The following CEP104 variants were observed in gnomAD, a reference collection of about 807,000 sequenced individuals.
CEP104 encodes centrosomal protein of 104 kDa.
Under a neutral mutation model 113.3 loss-of-function variants are expected in CEP104, and 84 were observed. The observed-to-expected ratio is 0.74, with a 90% CI of 0.62 to 0.89. The LOEUF (loss-of-function observed/expected upper bound fraction) is 0.89, where lower values mean the gene tolerates loss of function less well. Among genes scored for constraint, CEP104 ranks in the 40% least tolerant of loss-of-function variants. CEP104 has a pLI of 0.00. For missense variants in CEP104, 1,053 were observed against 1,156.6 expected (o/e 0.91, Z 1.30); for synonymous variants, 378 against 421.7 (o/e 0.90, Z 1.27).
At chr1:3,852,690 A>G (rs970102220) in intron 1 of CEP104, among the ~76,000 whole-genome samples, 10 of 152,224 alleles carry the variant, frequency 6.6e-5, no homozygotes, top group Admixed American at 6.5e-5. Flanking sequence ...GTGCTCCCCA[A>G]AAGGATACGC....
intron 18 of CEP104, among the ~76,000 whole-genome samples, chr1:3,824,012 A>G (rs1411772029): frequency 6.6e-6 from 1 of 152,218 alleles, no homozygotes; most frequent in African/African-American, 2.4e-5. Flanking sequence ...TATATACTCT[A>G]TAACTTCAGG....
At position 3,837,395 on chromosome 1, in the gene CEP104, G is replaced by A; in HGVS notation, c.1016C>T (p.Pro339Leu). ...ERGTENQFAEPFLQEKPSSYS... is the reference protein window; with the variant it reads ...ERGTENQFAELFLQEKPSSYS... ...TGATGAAGGCTTTTCCTGAAGGAAA[G>A]GTTCTGCAAACTGGTTTTCTGTTCC... is the stretch of plus-strand genomic sequence containing the variant. Residue 339 changes from proline (P) to leucine (L), a missense_variant, in exon 9 of 22, where the codon CCT (proline) becomes CTT (leucine). Coordinates refer to ENST00000378230, the MANE Select transcript of CEP104 (RefSeq NM_014704.4). 1 of 1,614,236 alleles carries A rather than the reference G, an allele frequency of 6.2e-7. No individual in the cohort carries two copies. The highest frequency in any genetic ancestry group is 8.5e-7 in the Non-Finnish European group (1 of 1,180,034).
rs1402370303 is a variant in CEP104 at position 3,823,975 on chromosome 1, G to A, written c.2365-413C>T. On this transcript the variant is annotated intron_variant, in intron 18 of 21. Coordinates refer to ENST00000378230, the MANE Select transcript of CEP104 (RefSeq NM_014704.4). This position sits in a 1 kb window ranked among gnomAD's most constrained non-coding sequence, Gnocchi z 4.1. ...GAATTTTAAGAGATTCTCTCGCTAC[G>A]TTGGTGTCTCTGGCAGGAATGACTT... 1.3e-5 allele frequency among the ~76,000 whole-genome samples: 2 copies of A among 152,180 alleles called. No individual in the cohort carries two copies. The highest frequency in any genetic ancestry group is 1.9e-4 in the East Asian group (1 of 5,202).
In CEP104 at chr1:3,829,632, G is replaced by A. The variant is rs917193863; in HGVS notation, c.2043+159C>T. 53 of 785,042 alleles carry A rather than the reference G, an allele frequency of 6.8e-5. No homozygotes were observed. In the African/African-American group the frequency reaches 8.1e-4, roughly 12 times the overall value. The allele number at this position is 785,042 out of a possible 1,614,324, so 48.6% of individuals were successfully genotyped here. ...CACTGGCAGAAAGTGGAGCAGCCGG[G>A]ATCTGAATGCGGGAACCTGTGTTCT... On this transcript the variant is annotated intron_variant, in intron 14 of 21. Coordinates refer to ENST00000378230, the MANE Select transcript of CEP104 (RefSeq NM_014704.4).
Position 3,833,928 on chromosome 1 carries a change from G to A in CEP104, c.1593C>T (p.Pro531=), listed in dbSNP as rs750932226. The A allele has an allele frequency of 2.0e-5, 33 of 1,614,086 alleles. No individual in the cohort carries two copies. The highest frequency in any genetic ancestry group is 1.1e-4 in the South Asian group (10 of 91,090). Reference sequence around the variant, plus strand: ...AATCTCCAGTTCTGGTGAGCAAAACGGGAATGGTCCTCTCCACACAGTGAG... The same window carrying A: ...AATCTCCAGTTCTGGTGAGCAAAACAGGAATGGTCCTCTCCACACAGTGAG... ...ETAHCVERTI[P]VLLTRTGDSS... The change falls in exon 12 of 22, where the codon CCC becomes CCT. Residue 531 remains proline, a synonymous_variant. Coordinates refer to ENST00000378230, the MANE Select transcript of CEP104 (RefSeq NM_014704.4).
Position 3,815,401 on chromosome 1 carries a change from G to C in CEP104, c.*1C>G, listed in dbSNP as rs12728401. The stretch of plus-strand genomic sequence containing the variant: ...AGAGACCAAGGAGCCCGAGCGCCGC[G>C]TCAGCGCTTGGCGTACGTCCTGCTG... On this transcript the variant is annotated 3_prime_UTR_variant, in exon 22 of 22. Coordinates refer to ENST00000378230, the MANE Select transcript of CEP104 (RefSeq NM_014704.4). The C allele has an allele frequency of 7.5e-5, 120 of 1,604,486 alleles. No individual in the cohort carries two copies. In the Admixed American group the frequency reaches 2.0e-3, roughly 27 times the overall value.
intron 2 of CEP104, among the ~76,000 whole-genome samples, chr1:3,849,904 T>G (rs771096869): frequency 6.6e-6 from 1 of 152,048 alleles, no homozygotes; most frequent in Non-Finnish European, 1.5e-5. Context: ...TTGTATACAG[T>G]CATGCACTGC....
At chr1:3,825,934 C>A in intron 17 of CEP104, 68 bp from the exon 18 acceptor site, 2 of 1,043,430 alleles carry the variant, frequency 1.9e-6, no homozygotes, top group Non-Finnish European at 3.0e-6. Context: ...TCCGCTCCCA[C>A]GTCACGAGGA....
chr1:3,840,362 G>A (rs1370378406), intron 6 of CEP104, among the ~76,000 whole-genome samples: 2 of 151,568 alleles, frequency 1.3e-5, no homozygotes, highest in Non-Finnish European at 2.9e-5. Context: ...TCAGCCTCCT[G>A]AGTAGCTAGG....
In CEP104 at chr1:3,848,612, G is replaced by C. The variant is rs1388578428; in HGVS notation, c.283C>G (p.Leu95Val). Residue 95 changes from leucine (L) to valine (V), a missense_variant, in exon 3 of 22, where the codon CTT becomes GTT. Leu to Val is a conservative substitution (Grantham distance 32). Transcript: ENST00000378230. The part of the protein sequence containing the change: ...APYQAERFRR[L>V]GYVSLCDNEK... ...CATTTTAAATTTCATTCTTACCCAA[G>C]TCTTCGAAACCGCTCTGCTTGATAG... The C allele has an allele frequency of 1.2e-6, 2 of 1,605,726 alleles. No homozygotes were observed. Among genetic ancestry groups the C allele is most frequent in the African/African-American group, 1.3e-5 (1 of 74,296 alleles).
In CEP104 at chr1:3,823,139, C is replaced by T; in HGVS notation, c.2571+35G>A. The T allele has an allele frequency of 6.2e-7, 1 of 1,603,736 alleles. No homozygotes were observed. On this transcript the variant is annotated intron_variant, in intron 20 of 21. Transcript: ENST00000378230. This position sits in a 1 kb window ranked among gnomAD's most constrained non-coding sequence, Gnocchi z 4.1. ...CCACTGCCATCCACAGGTGTGTCAC[C>T]TACTTCACTGGTCCCTTCTCCCCAG...
At chr1:3,830,055 C>T in intron 13 of CEP104, 58 bp from the exon 14 acceptor site, 2 of 1,286,614 alleles carry the variant, frequency 1.6e-6, no homozygotes, top group Non-Finnish European at 2.2e-6. Context: ...TTTCTTCCAG[C>T]TTACAAAAAA....
chr1:3,816,984 CCT>C (rs1643890301), intron 20 of CEP104, among the ~76,000 whole-genome samples: 7 of 152,216 alleles, frequency 4.6e-5, no homozygotes, highest in Admixed American at 4.6e-4. Flanking sequence ...TCGCTGGTTC[CCT>C]GAGTCTTCTG....
chr1:3,825,472 T>C (rs1644071988), intron 18 of CEP104, among the ~76,000 whole-genome samples: 1 of 151,974 alleles, frequency 6.6e-6, no homozygotes, highest in African/African-American at 2.4e-5. Flanking sequence ...TCTACAAAGC[T>C]CAAAGAGCAA....
intron 20 of CEP104, among the ~76,000 whole-genome samples, chr1:3,817,759 C>T (rs1380320401): frequency 6.6e-6 from 1 of 152,214 alleles, no homozygotes; most frequent in Non-Finnish European, 1.5e-5. Flanking sequence ...TCCCTTGAAT[C>T]TGGGTGACTG....
rs553754405 is a variant in CEP104 at position 3,826,415 on chromosome 1, G to A, written c.2210C>T (p.Ala737Val). 2.5e-6 allele frequency: 4 copies of A among 1,613,734 alleles called. No individual in the cohort carries two copies. Among genetic ancestry groups the A allele is most frequent in the African/African-American group, 2.7e-5 (2 of 75,018 alleles). ...KNQDIQGGKA[A>V]PAEALGIPDE... ...CGGGATTCCCAGAGCTTCAGCAGGG[G>A]CTGCTTTCCCTCCTTGAATGTCTGA... is the stretch of plus-strand genomic sequence containing the variant. Residue 737 changes from alanine to valine, a missense_variant, in exon 17 of 22, where the codon GCC becomes GTC. Physicochemically the swap from Ala to Val is moderately conservative, Grantham distance 64 (BLOSUM62 0). Transcript: ENST00000378230.
intron 17 of CEP104, 63 bp downstream of exon 17, chr1:3,826,307 A>G: frequency 6.9e-7 from 1 of 1,442,166 alleles, no homozygotes; most frequent in Non-Finnish European, 9.7e-7. Context: ...TTCCCTTTCC[A>G]GGGTTTCTGT....
intron 12 of CEP104, among the ~76,000 whole-genome samples, chr1:3,833,376 TA>T (rs1359656135): frequency 6.6e-6 from 1 of 152,206 alleles, no homozygotes; most frequent in African/African-American, 2.4e-5. Flanking sequence ...GGAGGACTCT[TA>T]AGAACTCCTA....
chr1:3,843,376 ATT>A (rs34104489), intron 6 of CEP104: 5,309 of 337,688 alleles, frequency 0.016, 1 homozygote, highest in Middle Eastern at 0.029. Context: ...AATATGTATA[ATT>A]TTTTTTTTTT....
Sources: allele counts gnomAD v4.1 joint callset (sites outside exome capture counted in the v4.1 genomes callset), GRCh38; gene constraint gnomAD v4.1.1; non-coding constraint Gnocchi (gnomAD v3.1); transcripts MANE v1.5; gene names NCBI Gene and HGNC (gene_info 2026-07-23, HGNC 2026-07-21).